HUNK: variants seen among roughly 807,000 people sequenced by gnomAD.
HUNK encodes hormonally up-regulated Neu-associated kinase, also known as hormonally up-regulated neu tumor-associated kinase.
A neutral mutation model predicts 61.0 loss-of-function variants in HUNK; 21 were observed. The ratio of observed to expected loss-of-function variants is 0.34; its 90% CI spans 0.24 to 0.50. The LOEUF (loss-of-function observed/expected upper bound fraction) is 0.50, where lower values mean the gene tolerates loss of function less well. Among genes scored for constraint, HUNK ranks in the 20% least tolerant of loss-of-function variants. The pLI is 0.98. For missense variants in HUNK, 772 were observed against 945.7 expected (o/e 0.82, Z 2.41); for synonymous variants, 371 against 386.1 (o/e 0.96, Z 0.46).
intron 3 of HUNK, among the ~76,000 whole-genome samples, 176 bp from the exon 4 acceptor site, chr21:31,945,860 C>T (rs764138514): frequency 2.0e-5 from 3 of 152,130 alleles, no homozygotes; most frequent in African/African-American, 4.8e-5. Context: ...CCTTGAGTCT[C>T]GTATCCAGAC....
intron 2 of HUNK, among the ~76,000 whole-genome samples, chr21:31,932,458 G>A (rs2052704978): frequency 6.6e-6 from 1 of 152,142 alleles, no homozygotes; most frequent in South Asian, 2.1e-4. Flanking sequence ...GGAGGGGAGG[G>A]GAAGGGGTTG....
intron 1 of HUNK, among the ~76,000 whole-genome samples, chr21:31,919,600 A>C (rs747035183): frequency 5.3e-5 from 8 of 152,176 alleles, no homozygotes; most frequent in Non-Finnish European, 8.8e-5. Context: ...CCAATTGTGG[A>C]GCTTCATAGG....
chr21:31,922,992 AG>A (rs1381010602), intron 1 of HUNK, among the ~76,000 whole-genome samples: 1 of 152,172 alleles, frequency 6.6e-6, no homozygotes, highest in Non-Finnish European at 1.5e-5. Flanking sequence ...AGTTCATGAC[AG>A]GGCATCTGGG....
chr21:31,932,141 A>G (rs1244460916), intron 2 of HUNK, among the ~76,000 whole-genome samples: 4 of 152,162 alleles, frequency 2.6e-5, no homozygotes, highest in Admixed American at 6.5e-5. Flanking sequence ...TCACACTTGC[A>G]ATGTGCCCAC....
At chr21:31,897,329 G>A (rs947360281) in intron 1 of HUNK, among the ~76,000 whole-genome samples, 4 of 152,188 alleles carry the variant, frequency 2.6e-5, no homozygotes, top group African/African-American at 7.2e-5. Context: ...TCATTCTGGA[G>A]GCCAGAAGTC....
intron 5 of HUNK, among the ~76,000 whole-genome samples, chr21:31,965,329 A>G (rs961804859): frequency 4.2e-5 from 5 of 119,288 alleles, no homozygotes; most frequent in African/African-American, 1.6e-4. Flanking sequence ...GAGAGGAGCA[A>G]AAAAAAAAAA....
intron 6 of HUNK, among the ~76,000 whole-genome samples, chr21:31,973,609 T>TGAC (rs1257940409): frequency 6.6e-6 from 1 of 151,396 alleles, no homozygotes; most frequent in African/African-American, 2.4e-5. Context: ...ATGATGATGA[T>TGAC]GGATGTGTCT....
At chr21:31,948,878 A>G (rs1445716887) in intron 4 of HUNK, among the ~76,000 whole-genome samples, 1 of 152,082 alleles carries the variant, frequency 6.6e-6, no homozygotes, top group African/African-American at 2.4e-5. Context: ...AGAGATAAAG[A>G]ATTCCTGGAA....
At chr21:31,880,524 G>A (rs113288360) in intron 1 of HUNK, among the ~76,000 whole-genome samples, 4 of 152,202 alleles carry the variant, frequency 2.6e-5, no homozygotes, top group East Asian at 1.9e-4. Flanking sequence ...CTGTCTCTGC[G>A]TCTGTCTTCA....
At chr21:31,992,423 G>A (rs2053177596) in intron 9 of HUNK, among the ~76,000 whole-genome samples, 3 of 152,250 alleles carry the variant, frequency 2.0e-5, no homozygotes. Context: ...CGCAGTGGGT[G>A]GAAATAGTTG....
chr21:31,883,055 G>A (rs372569421), intron 1 of HUNK, among the ~76,000 whole-genome samples: 2 of 151,422 alleles, frequency 1.3e-5, no homozygotes, highest in South Asian at 2.1e-4. Flanking sequence ...CCATACTTCA[G>A]TAAATATCCA....
intron 1 of HUNK, among the ~76,000 whole-genome samples, chr21:31,921,115 AC>A (rs1377174074): frequency 7.5e-6 from 1 of 132,778 alleles, no homozygotes; most frequent in Non-Finnish European, 1.5e-5. Flanking sequence ...AGATTGTGCC[AC>A]TGCATTCCAG....
chr21:31,983,165 A>G (rs2053109680), intron 7 of HUNK, among the ~76,000 whole-genome samples: 1 of 152,194 alleles, frequency 6.6e-6, no homozygotes, highest in African/African-American at 2.4e-5. Flanking sequence ...GTTCAATAAA[A>G]TAAGTTATTC....
At chr21:31,985,704 G>A (rs571303920) in intron 8 of HUNK, among the ~76,000 whole-genome samples, 175 of 152,314 alleles carry the variant, frequency 1.1e-3, no homozygotes, top group African/African-American at 4.1e-3. Flanking sequence ...GAAATGGTCA[G>A]CATTGTCTAC....
At chr21:31,961,693 T>C (rs1213339874) in intron 5 of HUNK, among the ~76,000 whole-genome samples, 2 of 152,212 alleles carry the variant, frequency 1.3e-5, no homozygotes, top group East Asian at 1.9e-4. Context: ...GTCATAAATA[T>C]TGCCATCTCT....
intron 1 of HUNK, among the ~76,000 whole-genome samples, chr21:31,902,152 G>A (rs1295378083): frequency 2.6e-5 from 4 of 152,134 alleles, no homozygotes; most frequent in South Asian, 2.1e-4. Flanking sequence ...CAAGCCCTAC[G>A]AGGAAGAATA....
intron 6 of HUNK, among the ~76,000 whole-genome samples, chr21:31,969,778 G>GCTGGTCTC (rs923781627): frequency 6.6e-6 from 1 of 151,976 alleles, no homozygotes; most frequent in African/African-American, 2.4e-5. Context: ...TGTTGCCCAG[G>GCTGGTCTC]CTGGTCTCAA....
Position 31,995,902 on chromosome 21 carries a change from C to T in HUNK, c.1440C>T (p.Ala480=). The part of the protein sequence containing the change: ...SLMTQIQNTK[A]LLKDRKASKS... ...TGACACAGATTCAGAACACCAAAGC[C>T]CTCCTGAAGGACCGGAAGGCCTCCA... Residue 480 remains alanine, a synonymous_variant, in exon 10 of 11, where the codon GCC becomes GCT. Transcript: ENST00000270112. 6.2e-7 allele frequency: 1 copy of T among 1,614,130 alleles called. No homozygotes were observed. Among genetic ancestry groups the T allele is most frequent in the Non-Finnish European group, 8.5e-7 (1 of 1,180,000 alleles).
At chr21:31,997,836 T>C (rs1158674022) in intron 10 of HUNK, among the ~76,000 whole-genome samples, 1 of 152,208 alleles carries the variant, frequency 6.6e-6, no homozygotes, top group African/African-American at 2.4e-5. Flanking sequence ...TTGGTGTGCT[T>C]CTGGGAGTTT....
Sources: allele counts gnomAD v4.1 joint callset (sites outside exome capture counted in the v4.1 genomes callset), GRCh38; gene constraint gnomAD v4.1.1; transcripts MANE v1.5; gene names NCBI Gene and HGNC (gene_info 2026-07-23, HGNC 2026-07-21).